The following MTMR8 variants were observed in gnomAD, a reference collection of about 807,000 sequenced individuals.
MTMR8 encodes the protein phosphatidylinositol-3,5-bisphosphate 3-phosphatase MTMR8.
In MTMR8, 65 loss-of-function variants were observed where a neutral mutation model predicts 39.3. That is an observed-to-expected ratio of 1.65 (90% confidence interval 1.35 to 2.03). The LOEUF is 2.03. Ranked by LOEUF, MTMR8 falls within the 30% of genes most tolerant of loss-of-function variation. The pLI, the probability that MTMR8 is intolerant of heterozygous loss-of-function variation, is 0.00. For missense variants in MTMR8, 777 were observed against 538.9 expected (o/e 1.44, Z -4.37); for synonymous variants, 245 against 185.2 (o/e 1.32, Z -2.62).
chrX:64,314,708 C>T (rs776589517), intron 12 of MTMR8, among the ~76,000 whole-genome samples: 7 of 112,548 alleles, frequency 6.2e-5, no homozygotes, highest in Non-Finnish European at 9.4e-5. Flanking sequence ...GCAAGATTGG[C>T]CCCACGTACA....
chrX:64,385,560 C>A (rs752541259), intron 1 of MTMR8, among the ~76,000 whole-genome samples: 10 of 111,722 alleles, frequency 9.0e-5, no homozygotes, highest in Non-Finnish European at 1.9e-4. Flanking sequence ...GTTTTGAAGG[C>A]TTTAAAGGAA....
chrX:64,375,155 G>T (rs769541014), intron 1 of MTMR8, among the ~76,000 whole-genome samples: 1 of 109,771 alleles, frequency 9.1e-6, no homozygotes, highest in Non-Finnish European at 1.9e-5. Context: ...GAGCCCAGGA[G>T]TTTGAGACCA....
chrX:64,291,769 T>C (rs945807468), intron 12 of MTMR8, among the ~76,000 whole-genome samples: 1 of 111,748 alleles, frequency 8.9e-6, no homozygotes, highest in Non-Finnish European at 1.9e-5. Context: ...TGGCATGGCA[T>C]TCTTCTGTAC....
At chrX:64,320,454 C>T (rs1412835919) in intron 12 of MTMR8, among the ~76,000 whole-genome samples, 2 of 110,583 alleles carry the variant, frequency 1.8e-5, no homozygotes. Flanking sequence ...TTTTGGCCTG[C>T]CTGGTAGCTC....
intron 12 of MTMR8, among the ~76,000 whole-genome samples, chrX:64,288,806 G>T (rs1232116240): frequency 2.7e-5 from 3 of 110,292 alleles, no homozygotes; most frequent in Non-Finnish European, 5.7e-5. Context: ...CTCATAGGTG[G>T]GAAATGAACA....
In MTMR8 at chrX:64,348,709, T is replaced by C. The variant is rs763836817; in HGVS notation, c.683A>G (p.Gln228Arg). The C allele has an allele frequency of 8.3e-7, 1 of 1,211,127 alleles. No homozygotes were observed. Among genetic ancestry groups the C allele is most frequent in the African/African-American group, 1.7e-5 (1 of 57,845 alleles). ...CATAAACTGGCTCCCTGGGTTTGTTTGGCTAATGGCCTCCAACAAGAGCTC... is the reference window on the plus strand; with the variant it reads ...CATAAACTGGCTCCCTGGGTTTGTTCGGCTAATGGCCTCCAACAAGAGCTC... ...DDELLLEAIS[Q>R]TNPGSQFMYV... Residue 228 changes from glutamine (Q) to arginine (R), a missense_variant, in exon 6 of 14, where the codon CAA (glutamine) becomes CGA (arginine). Coordinates refer to ENST00000374852, the MANE Select transcript of MTMR8 (RefSeq NM_017677.4).
intron 12 of MTMR8, among the ~76,000 whole-genome samples, chrX:64,292,767 A>C (rs1921444178): frequency 9.0e-6 from 1 of 111,365 alleles, no homozygotes; most frequent in African/African-American, 3.3e-5. Context: ...TATATACAGA[A>C]TGTATCTGGC....
At chrX:64,308,894 C>G (rs111522897) in intron 12 of MTMR8, among the ~76,000 whole-genome samples, 325 of 111,666 alleles carry the variant, frequency 2.9e-3, no homozygotes, top group Non-Finnish European at 5.0e-3. Context: ...GTTCCTTTGT[C>G]AAAGCTGAGT....
Position 64,314,237 on chromosome X carries a change from G to A in MTMR8, c.1481+14535C>T, listed in dbSNP as rs770885319. ...GTGTTTCATAGGGTGATGGTAGTGG[G>A]ATTCATCTTTGTTTGCATGTGTCAG... On this transcript the variant is annotated intron_variant, in intron 12 of 13. Coordinates refer to ENST00000374852, the MANE Select transcript of MTMR8 (RefSeq NM_017677.4). Among the ~76,000 whole-genome samples, 24 of 113,018 alleles carry A rather than the reference G, an allele frequency of 2.1e-4. No homozygotes were observed. In the East Asian group the frequency reaches 6.7e-3, roughly 32 times the overall value.
chrX:64,361,092 T>TA (rs1315715874), intron 1 of MTMR8, among the ~76,000 whole-genome samples: 7 of 111,113 alleles, frequency 6.3e-5, no homozygotes. Context: ...AGGGAAAATA[T>TA]AAAAAATTAA....
intron 12 of MTMR8, among the ~76,000 whole-genome samples, chrX:64,315,460 C>T (rs951733239): frequency 8.9e-6 from 1 of 112,041 alleles, no homozygotes; most frequent in African/African-American, 3.2e-5. Flanking sequence ...GTCCCAGTTC[C>T]CTTGGTGGCA....
chrX:64,374,897 C>T (rs1035817187), intron 1 of MTMR8, among the ~76,000 whole-genome samples: 3 of 108,857 alleles, frequency 2.8e-5, no homozygotes, highest in Non-Finnish European at 5.7e-5. Context: ...ATATAGCCAC[C>T]AGGAATGCTG....
chrX:64,340,914 GGAA>G (rs1923198762), intron 8 of MTMR8, among the ~76,000 whole-genome samples: 1 of 112,290 alleles, frequency 8.9e-6, no homozygotes, highest in Admixed American at 9.4e-5. Flanking sequence ...ACTGTTGGTA[GGAA>G]TGGAAACTGG....
chrX:64,394,559 C>T (rs969937936), intron 1 of MTMR8, among the ~76,000 whole-genome samples: 5 of 111,569 alleles, frequency 4.5e-5, no homozygotes, highest in African/African-American at 1.6e-4. Flanking sequence ...TTTCACTGTT[C>T]CCCAGCCCCA....
intron 8 of MTMR8, among the ~76,000 whole-genome samples, chrX:64,341,855 A>C (rs2147226076): frequency 8.9e-6 from 1 of 112,331 alleles, no homozygotes; most frequent in South Asian, 3.7e-4. Flanking sequence ...GAATGTTTAC[A>C]TTTTATGTTA....
At chrX:64,303,025 T>A (rs1204305339) in intron 12 of MTMR8, among the ~76,000 whole-genome samples, 1 of 112,623 alleles carries the variant, frequency 8.9e-6, no homozygotes, top group East Asian at 2.8e-4. Flanking sequence ...TGTCAAAGGA[T>A]CACTTAAAGT....
In MTMR8 at chrX:64,268,424, G is replaced by A. The variant is rs1931675421; in HGVS notation, c.*113C>T. 2.2e-6 allele frequency: 2 copies of A among 910,357 alleles called. No individual in the cohort carries two copies. Among genetic ancestry groups the A allele is most frequent in the Non-Finnish European group, 1.5e-6 (1 of 663,033 alleles). The allele number at this position is 910,357 out of a possible 1,213,427, so 75.0% of individuals were successfully genotyped here. ...CCTTCCAGACTTAAGTGGGGAGAGGGGTGCCCTGGCTTCACCCACTTAAAC... is the reference window on the plus strand; with the variant it reads ...CCTTCCAGACTTAAGTGGGGAGAGGAGTGCCCTGGCTTCACCCACTTAAAC... On this transcript the variant is annotated 3_prime_UTR_variant, in exon 14 of 14. Transcript: ENST00000374852.
chrX:64,356,511 G>A (rs908602565), intron 2 of MTMR8, among the ~76,000 whole-genome samples, 173 bp from the exon 3 acceptor site: 10 of 110,778 alleles, frequency 9.0e-5, no homozygotes, highest in African/African-American at 3.0e-4. Flanking sequence ...TAGAACTAAA[G>A]CATAATAGTG....
chrX:64,275,520 G>GC (rs960153675), intron 12 of MTMR8, among the ~76,000 whole-genome samples: 11 of 108,150 alleles, frequency 1.0e-4, no homozygotes, highest in Non-Finnish European at 1.7e-4. Flanking sequence ...ACATAGAGAG[G>GC]CCCCCATCGC....
Sources: gnomAD v4.1 joint callset for allele counts (sites outside exome capture counted in the v4.1 genomes callset) on GRCh38, gnomAD v4.1.1 for gene constraint, MANE v1.5 for transcripts, NCBI Gene and HGNC (gene_info 2026-07-23, HGNC 2026-07-21) for gene names.